Variants in MEMO1 observed in about 807,000 individuals in gnomAD.
The protein encoded by MEMO1 is protein MEMO1.
In MEMO1, 6 loss-of-function variants were observed where a neutral mutation model predicts 45.2. The observed-to-expected ratio is 0.13, with a 90% CI of 0.07 to 0.26. MEMO1 has a LOEUF of 0.26. Ranked by LOEUF, MEMO1 falls within the 10% of genes least tolerant of loss-of-function variation. MEMO1 has a pLI of 1.00. For synonymous variants in MEMO1, 78 were observed against 124.3 expected (o/e 0.63, Z 2.48); for missense variants, 184 against 370.5 (o/e 0.50, Z 4.13).
In MEMO1 at chr2:31,907,363, T is replaced by C. The variant is rs373095272; in HGVS notation, c.437+10563A>G. ...CAAATAGGGTGTTTCCTTATTTTTG[T>C]ATTCTCCATCCTTAAACATAGATTA... On this transcript the variant is annotated intron_variant, in intron 6 of 9. Coordinates refer to ENST00000404530, the MANE Select transcript of MEMO1 (RefSeq NM_001301833.4). 1.5e-3 allele frequency among the ~76,000 whole-genome samples: 233 copies of C among 152,374 alleles called. 8 individuals carry two copies. In the South Asian group the frequency reaches 0.046, roughly 30 times the overall value.
intron 2 of MEMO1, among the ~76,000 whole-genome samples, chr2:31,964,315 G>A (rs1355075081): frequency 6.6e-6 from 1 of 151,998 alleles, no homozygotes; most frequent in South Asian, 2.1e-4. Context: ...GGTGAAATGT[G>A]TAGATTAAAG....
chr2:31,907,647 G>C (rs1035302696), intron 6 of MEMO1, among the ~76,000 whole-genome samples: 3 of 152,058 alleles, frequency 2.0e-5, no homozygotes, highest in Non-Finnish European at 4.4e-5. Context: ...ACAAAAATTA[G>C]CCAGGTGTGG....
intron 2 of MEMO1, among the ~76,000 whole-genome samples, chr2:31,993,855 A>G (rs1211369333): frequency 6.6e-6 from 1 of 152,042 alleles, no homozygotes; most frequent in Admixed American, 6.6e-5. Flanking sequence ...TTTTTATCCT[A>G]AAAAATTGTA....
intron 2 of MEMO1, among the ~76,000 whole-genome samples, chr2:32,002,186 T>TACATAC (rs1553383048): frequency 1.6e-4 from 18 of 116,068 alleles, no homozygotes; most frequent in African/African-American, 6.3e-4. Flanking sequence ...TATATATATA[T>TACATAC]ACACACACAC....
intron 2 of MEMO1, among the ~76,000 whole-genome samples, chr2:32,002,375 T>C (rs1051537270): frequency 6.7e-6 from 1 of 149,520 alleles, no homozygotes; most frequent in African/African-American, 2.4e-5. Flanking sequence ...AAATCCTTTA[T>C]ATAAGCCACA....
chr2:31,888,080 A>C (rs1453291737), intron 7 of MEMO1, among the ~76,000 whole-genome samples: 1 of 152,168 alleles, frequency 6.6e-6, no homozygotes, highest in Non-Finnish European at 1.5e-5. Flanking sequence ...CATATTTAAA[A>C]AAATATATGT....
rs186035168 is a variant in MEMO1, at chr2:31,873,230, G to A, written c.658-3278C>T. ...TCACATAAACTTAACCTAATGTGGA[G>A]GAGTGAAATGGGTCACTATACTACC... On this transcript the variant is annotated intron_variant, in intron 8 of 9. Transcript: ENST00000404530. 2.2e-4 allele frequency among the ~76,000 whole-genome samples: 34 copies of A among 152,206 alleles called. No individual in the cohort carries two copies. In the East Asian group the frequency reaches 6.2e-3, roughly 28 times the overall value.
intron 2 of MEMO1, among the ~76,000 whole-genome samples, chr2:32,000,457 C>T (rs1673150532): frequency 6.6e-6 from 1 of 151,860 alleles, no homozygotes; most frequent in South Asian, 2.1e-4. Context: ...GTCTCGATCT[C>T]CTGACCTCGT....
chr2:31,956,623 A>C (rs1024723789), intron 2 of MEMO1, among the ~76,000 whole-genome samples: 4 of 152,244 alleles, frequency 2.6e-5, no homozygotes, highest in Non-Finnish European at 5.9e-5. Context: ...GTCAAAAATA[A>C]ACTAGTTAAA....
At chr2:31,960,204 A>G (rs1667856171) in intron 2 of MEMO1, among the ~76,000 whole-genome samples, 1 of 152,180 alleles carries the variant, frequency 6.6e-6, no homozygotes, top group Admixed American at 6.5e-5. Flanking sequence ...CTCAAAAAAA[A>G]AAAAAAAATT....
chr2:31,959,652 C>T (rs370314587), intron 2 of MEMO1, among the ~76,000 whole-genome samples: 1 of 152,066 alleles, frequency 6.6e-6, no homozygotes, highest in African/African-American at 2.4e-5. Context: ...CAAATGAAAA[C>T]TACTCCAAAA....
chr2:31,949,812 C>T (rs1666625188), intron 2 of MEMO1, among the ~76,000 whole-genome samples: 1 of 152,070 alleles, frequency 6.6e-6, no homozygotes, highest in South Asian at 2.1e-4. Context: ...TACCCCATTC[C>T]CTTGCAACTA....
intron 6 of MEMO1, chr2:31,893,318 G>A: frequency 1.7e-6 from 2 of 1,194,956 alleles, no homozygotes; most frequent in African/African-American, 1.6e-5. Flanking sequence ...GGCAGAATCT[G>A]CATCTATGGA....
Position 31,905,239 on chromosome 2 carries a change from A to C in MEMO1, c.437+12687T>G, listed in dbSNP as rs80143742. On this transcript the variant is annotated intron_variant, in intron 6 of 9. Coordinates refer to ENST00000404530, the MANE Select transcript of MEMO1 (RefSeq NM_001301833.4). Reference sequence around the variant, plus strand: ...ACAGAGTGAAATCCTATCTCCAAAAAAGAAACAAAAAAAGATCCAGAAAAC... The same window carrying C: ...ACAGAGTGAAATCCTATCTCCAAAACAGAAACAAAAAAAGATCCAGAAAAC... 7.5e-3 allele frequency among the ~76,000 whole-genome samples: 1,136 copies of C among 152,276 alleles called. 8 individuals are homozygous for C. Among genetic ancestry groups the C allele is most frequent in the Admixed American group, 0.011 (170 of 15,286 alleles).
intron 2 of MEMO1, among the ~76,000 whole-genome samples, chr2:31,963,450 T>C (rs1018188402): frequency 1.3e-5 from 2 of 152,226 alleles, no homozygotes; most frequent in African/African-American, 4.8e-5. Context: ...ATTCCCCAGT[T>C]ACTTTTGGAC....
chr2:31,951,089 T>TGTAA (rs1175708759), intron 2 of MEMO1, among the ~76,000 whole-genome samples: 3 of 152,198 alleles, frequency 2.0e-5, no homozygotes, highest in Non-Finnish European at 4.4e-5. Context: ...CACTGAATGA[T>TGTAA]GTAACAGACG....
intron 2 of MEMO1, among the ~76,000 whole-genome samples, chr2:31,998,403 C>T (rs543717297): frequency 6.6e-6 from 1 of 152,274 alleles, no homozygotes; most frequent in Non-Finnish European, 1.5e-5. Flanking sequence ...CTCCCTCATC[C>T]CCCCAACCTC....
At chr2:31,901,369 T>C (rs1572619800) in intron 6 of MEMO1, among the ~76,000 whole-genome samples, 3 of 85,396 alleles carry the variant, frequency 3.5e-5, no homozygotes, top group African/African-American at 1.6e-4. Flanking sequence ...TGAGACTCTG[T>C]CTCACAAAAA....
At chr2:31,929,949 T>A (rs1158337938) in intron 4 of MEMO1, among the ~76,000 whole-genome samples, 1 of 152,228 alleles carries the variant, frequency 6.6e-6, no homozygotes, top group African/African-American at 2.4e-5. Context: ...TCAGTTATTA[T>A]ATACTAATTA....
Sources: allele counts gnomAD v4.1 joint callset (sites outside exome capture counted in the v4.1 genomes callset), GRCh38; gene constraint gnomAD v4.1.1; transcripts MANE v1.5; gene names NCBI Gene and HGNC (gene_info 2026-07-23, HGNC 2026-07-21).